SLC39A12: variants seen among roughly 807,000 people sequenced by gnomAD.
SLC39A12 encodes the protein solute carrier family 39 member 12, also known as zinc transporter ZIP12.
In SLC39A12, 63 loss-of-function variants were observed where a neutral mutation model predicts 71.1. That is an observed-to-expected ratio of 0.89 (90% CI 0.72 to 1.09). The LOEUF is 1.09. SLC39A12 is among the 50% of genes least tolerant of loss of function. The pLI is 0.00. For missense variants in SLC39A12, 892 were observed against 812.6 expected, an observed-to-expected ratio of 1.10 and a Z score of -1.19; for synonymous variants, 351 against 301.3, an observed-to-expected ratio of 1.16 and a Z score of -1.71.
chr10:18,040,769 C>CA (rs34842202), intron 12 of SLC39A12, among the ~76,000 whole-genome samples: 9,282 of 94,528 alleles, frequency 0.098, 401 homozygotes, highest in Middle Eastern at 0.23. Flanking sequence ...AACTCCATCT[C>CA]AAAAAAAAAA....
In SLC39A12 at chr10:17,965,510, A is replaced by G; in HGVS notation, c.571A>G (p.Lys191Glu). The change falls in exon 4 of 13, where the codon AAA becomes GAA. Residue 191 changes from lysine to glutamate, a missense_variant. Transcript: ENST00000377369. The part of the protein sequence containing the change: ...QCMETKTLQK[K>E]SGIVSSEGAN... ...TATGGAAACCAAAACGCTGCAGAAA[A>G]AATCTGGAATAGTGAGCAGTGAAGG... is the stretch of plus-strand genomic sequence containing the variant. 3.1e-6 allele frequency: 5 copies of G among 1,614,182 alleles called. No homozygotes were observed. The South Asian group carries it at 5.5e-5, about 18-fold the overall frequency.
chr10:17,957,289 A>G (rs1023572456), intron 2 of SLC39A12, among the ~76,000 whole-genome samples: 2 of 152,262 alleles, frequency 1.3e-5, no homozygotes, highest in East Asian at 1.9e-4. Flanking sequence ...AGACCATGTG[A>G]TGTGGCTCCA....
At chr10:17,954,006 G>C (rs1171239519) in intron 2 of SLC39A12, among the ~76,000 whole-genome samples, 1 of 152,126 alleles carries the variant, frequency 6.6e-6, no homozygotes, top group South Asian at 2.1e-4. Context: ...TTAATGATTG[G>C]ATAATCATCT....
At chr10:18,041,732 T>TAC (rs1337935377) in intron 12 of SLC39A12, among the ~76,000 whole-genome samples, 6 of 139,550 alleles carry the variant, frequency 4.3e-5, no homozygotes, top group South Asian at 2.2e-4. Context: ...TATATGTGTA[T>TAC]ATATGTATAT....
intron 7 of SLC39A12, among the ~76,000 whole-genome samples, chr10:17,989,478 AG>A (rs58416516): frequency 0.11 from 16,720 of 152,216 alleles, 2,726 homozygotes; most frequent in African/African-American, 0.36. Context: ...AAGCAGAAAA[AG>A]GCTCTCAGGT....
chr10:18,001,299 G>T (rs1006358964), intron 11 of SLC39A12, among the ~76,000 whole-genome samples: 3 of 152,158 alleles, frequency 2.0e-5, no homozygotes, highest in Non-Finnish European at 2.9e-5. Context: ...TGGATCACCT[G>T]AGGACAGGAG....
At chr10:17,980,307 A>T (rs1835220376) in intron 5 of SLC39A12, among the ~76,000 whole-genome samples, 1 of 152,008 alleles carries the variant, frequency 6.6e-6, no homozygotes, top group Non-Finnish European at 1.5e-5. Context: ...CTATGTCATC[A>T]TTATTTACAG....
At chr10:17,993,158 A>T (rs1238045700) in intron 8 of SLC39A12, 23 bp from the exon 9 acceptor site, 5 of 1,517,258 alleles carry the variant, frequency 3.3e-6, no homozygotes, top group Middle Eastern at 1.7e-4. Context: ...CTTCAACACT[A>T]ATTTTAAACC....
chr10:17,993,151 C>T, intron 8 of SLC39A12, 30 bp from the exon 9 acceptor site: 3 of 1,486,348 alleles, frequency 2.0e-6, no homozygotes, highest in Non-Finnish European at 1.8e-6. Context: ...CTTCTGGCTT[C>T]AACACTAATT....
chr10:18,033,791 G>T (rs1329865932), intron 12 of SLC39A12, among the ~76,000 whole-genome samples: 1 of 149,134 alleles, frequency 6.7e-6, no homozygotes, highest in African/African-American at 2.5e-5. Flanking sequence ...GGCATTTAGT[G>T]CTATAAATTT....
intron 4 of SLC39A12, among the ~76,000 whole-genome samples, chr10:17,969,630 AT>A (rs1403053945): frequency 6.6e-6 from 1 of 152,020 alleles, no homozygotes; most frequent in East Asian, 1.9e-4. Context: ...CCATTTTTGG[AT>A]CAAATTATTA....
chr10:17,976,045 G>T (rs147405340), intron 4 of SLC39A12, among the ~76,000 whole-genome samples: 23 of 152,280 alleles, frequency 1.5e-4, no homozygotes, highest in African/African-American at 5.3e-4. Flanking sequence ...CTGGGGAGGT[G>T]GGAGAGGGGT....
At chr10:18,007,411 A>G (rs930070630) in intron 12 of SLC39A12, 2 of 152,214 alleles carry the variant, frequency 1.3e-5, no homozygotes, top group Non-Finnish European at 2.9e-5. Context: ...TCTCCTCACC[A>G]TGCAGCAGCA....
chr10:17,959,595 C>T lies in SLC39A12; in HGVS notation c.262-1986C>T, dbSNP rs140460564. The stretch of plus-strand genomic sequence containing the variant: ...ATGGGACAAATCTGTCTGGGAGTCA[C>T]GACAGGCGTTTCTCAATGCTTTCAC... On this transcript the variant is annotated intron_variant, in intron 2 of 12. Transcript: ENST00000377369. Among the ~76,000 whole-genome samples the T allele has an allele frequency of 2.2e-3, 329 of 152,232 alleles. 2 individuals are homozygous for T. Among genetic ancestry groups the T allele is most frequent in the African/African-American group, 7.6e-3 (314 of 41,546 alleles).
chr10:17,990,593 C>G (rs1215582528), intron 7 of SLC39A12, among the ~76,000 whole-genome samples: 1 of 152,038 alleles, frequency 6.6e-6, no homozygotes, highest in East Asian at 1.9e-4. Flanking sequence ...CAACACATTT[C>G]TCATACCCTT....
intron 12 of SLC39A12, among the ~76,000 whole-genome samples, chr10:18,007,599 C>T (rs1199742833): frequency 1.3e-5 from 2 of 152,182 alleles, no homozygotes; most frequent in African/African-American, 4.8e-5. Context: ...AGAGCAACCC[C>T]ATTGCTGCTG....
intron 12 of SLC39A12, among the ~76,000 whole-genome samples, chr10:18,041,750 TATATGTGTATACATATGTATAC>T (rs1398401057): frequency 8.0e-6 from 1 of 125,278 alleles, no homozygotes; most frequent in Non-Finnish European, 1.8e-5. Context: ...TATACATGTA[TATATGTGTATACATATGTATAC>T]ATATGTATAT....
chr10:17,964,212 A>G (rs778976892), intron 3 of SLC39A12, among the ~76,000 whole-genome samples: 1 of 152,206 alleles, frequency 6.6e-6, no homozygotes, highest in Non-Finnish European at 1.5e-5. Context: ...TGCTTCCGTG[A>G]AGTTCAAACT....
At chr10:18,024,470 G>A (rs1224749387) in intron 12 of SLC39A12, among the ~76,000 whole-genome samples, 2 of 152,124 alleles carry the variant, frequency 1.3e-5, no homozygotes. Flanking sequence ...TGGATACCCT[G>A]CCTTGGGTCC....
Sources: gnomAD v4.1 joint callset for allele counts (sites outside exome capture counted in the v4.1 genomes callset) on GRCh38, gnomAD v4.1.1 for gene constraint, MANE v1.5 for transcripts, NCBI Gene and HGNC (gene_info 2026-07-23, HGNC 2026-07-21) for gene names.